The following ATG7 variants were observed in gnomAD, a reference collection of about 807,000 sequenced individuals.
ATG7 encodes the protein ubiquitin-like modifier-activating enzyme ATG7.
A neutral mutation model predicts 82.4 loss-of-function variants in ATG7; 70 were observed. The ratio of observed to expected loss-of-function variants is 0.85; its 90% CI spans 0.70 to 1.04. ATG7 has a LOEUF of 1.04. Among genes scored for constraint, ATG7 ranks in the 50% least tolerant of loss-of-function variants. ATG7 has a pLI of 0.00. For missense variants in ATG7, 792 were observed against 864.3 expected, an observed-to-expected ratio of 0.92 and a Z score of 1.05; for synonymous variants, 287 against 313.0, an observed-to-expected ratio of 0.92 and a Z score of 0.88.
chr3:11,530,544 G>A (rs112304374), intron 20 of ATG7, among the ~76,000 whole-genome samples: 4 of 152,198 alleles, frequency 2.6e-5, no homozygotes, highest in South Asian at 2.1e-4. Context: ...CTTTCCAGTC[G>A]GCACCCATTC....
intron 3 of ATG7, among the ~76,000 whole-genome samples, chr3:11,289,733 CTT>C (rs919226611): frequency 6.6e-6 from 1 of 152,076 alleles, no homozygotes; most frequent in Non-Finnish European, 1.5e-5. Context: ...AATTTTAAAA[CTT>C]TTTTTGTAGA....
downstream of ATG7, chr3:11,559,269 A>T (rs2072743751): frequency 1.0e-5 from 15 of 1,469,482 alleles, 1 homozygote; most frequent in South Asian, 2.0e-4. Context: ...CAACAGCATG[A>T]CAGAGAAGGG....
At chr3:11,423,052 C>T (rs2082072121) in intron 19 of ATG7, among the ~76,000 whole-genome samples, 1 of 152,164 alleles carries the variant, frequency 6.6e-6, no homozygotes, top group African/African-American at 2.4e-5. Flanking sequence ...AGCCACCGGG[C>T]TTGGCCTATT....
At chr3:11,525,876 A>G (rs916865908) in intron 20 of ATG7, among the ~76,000 whole-genome samples, 3 of 152,060 alleles carry the variant, frequency 2.0e-5, no homozygotes, top group Non-Finnish European at 1.5e-5. Context: ...TTTTAAATCA[A>G]AAGACCACTA....
intron 20 of ATG7, among the ~76,000 whole-genome samples, chr3:11,447,335 C>T (rs1473882790): frequency 6.6e-6 from 1 of 151,994 alleles, no homozygotes; most frequent in Non-Finnish European, 1.5e-5. Context: ...GGTGTGGTGG[C>T]AGGCATCTGT....
chr3:11,484,277 C>G (rs868563586), intron 20 of ATG7, among the ~76,000 whole-genome samples: 1 of 152,036 alleles, frequency 6.6e-6, no homozygotes, highest in African/African-American at 2.4e-5. Context: ...ACCTGTAATC[C>G]CAGCTCCTCA....
intron 20 of ATG7, among the ~76,000 whole-genome samples, chr3:11,432,812 C>G (rs2152954428): frequency 6.6e-6 from 1 of 152,258 alleles, no homozygotes. Flanking sequence ...GCATAAAGCT[C>G]TGACCTTTAC....
At chr3:11,525,370 G>A (rs1015991261) in intron 20 of ATG7, among the ~76,000 whole-genome samples, 13 of 150,028 alleles carry the variant, frequency 8.7e-5, no homozygotes, top group African/African-American at 3.0e-4. Flanking sequence ...ACTATTCCTT[G>A]AAAAGAGGAA....
At chr3:11,509,444 T>C (rs1335225961) in intron 20 of ATG7, among the ~76,000 whole-genome samples, 10 of 151,512 alleles carry the variant, frequency 6.6e-5, no homozygotes, top group Admixed American at 6.6e-4. Flanking sequence ...GGCCAGCCAC[T>C]TGTGTCTTAT....
At chr3:11,428,179 A>G (rs1483254744) in intron 20 of ATG7, among the ~76,000 whole-genome samples, 1 of 152,186 alleles carries the variant, frequency 6.6e-6, no homozygotes, top group Non-Finnish European at 1.5e-5. Flanking sequence ...TTGTCAAATG[A>G]TTGCATGGGT....
At chr3:11,518,558 GAAAA>G (rs940781539) in intron 20 of ATG7, among the ~76,000 whole-genome samples, 2 of 144,884 alleles carry the variant, frequency 1.4e-5, no homozygotes, top group East Asian at 2.0e-4. Flanking sequence ...AAAAAAAAAA[GAAAA>G]AAAAAACCTG....
At chr3:11,466,574 C>A (rs2086848702) in intron 20 of ATG7, among the ~76,000 whole-genome samples, 2 of 152,190 alleles carry the variant, frequency 1.3e-5, no homozygotes, top group South Asian at 4.1e-4. Flanking sequence ...GGCACGAGGC[C>A]TAGACTACAG....
At chr3:11,435,837 T>G (rs2083316405) in intron 20 of ATG7, among the ~76,000 whole-genome samples, 1 of 152,178 alleles carries the variant, frequency 6.6e-6, no homozygotes, top group Non-Finnish European at 1.5e-5. Flanking sequence ...AATTTTAAAT[T>G]TTGTGCTTCA....
intron 18 of ATG7, among the ~76,000 whole-genome samples, chr3:11,367,190 T>G (rs1468289000): frequency 6.6e-6 from 1 of 152,120 alleles, no homozygotes; most frequent in Non-Finnish European, 1.5e-5. Flanking sequence ...ATGTTTTGAT[T>G]AGGGGACCAT....
intron 19 of ATG7, among the ~76,000 whole-genome samples, chr3:11,389,213 A>T (rs182313950): frequency 1.0e-3 from 149 of 145,966 alleles, no homozygotes; most frequent in African/African-American, 3.5e-3. Flanking sequence ...AGCCTGGGGA[A>T]CAGAGAGAGA....
At chr3:11,489,414 T>G (rs1334655623) in intron 20 of ATG7, among the ~76,000 whole-genome samples, 3 of 152,018 alleles carry the variant, frequency 2.0e-5, no homozygotes, top group Non-Finnish European at 4.4e-5. Context: ...ATTTTATTGA[T>G]CCTTTCAAAA....
At chr3:11,383,348 C>T (rs980139569) in intron 19 of ATG7, among the ~76,000 whole-genome samples, 6 of 152,202 alleles carry the variant, frequency 3.9e-5, no homozygotes, top group South Asian at 4.1e-4. Flanking sequence ...TGATGTTTCC[C>T]TATGATTCGA....
At chr3:11,493,578 C>A (rs777569069) in intron 20 of ATG7, among the ~76,000 whole-genome samples, 3 of 152,162 alleles carry the variant, frequency 2.0e-5, no homozygotes, top group Admixed American at 2.0e-4. Flanking sequence ...GTTTCTCTGC[C>A]TTCTGCCTCC....
the ATG7 span, among the ~76,000 whole-genome samples, chr3:11,574,787 G>GTA: frequency 2.1e-4 from 13 of 61,012 alleles, no homozygotes; most frequent in African/African-American, 7.9e-4. Flanking sequence ...AACTATATAT[G>GTA]TGTGTGTGTG....
Sources: allele counts gnomAD v4.1 joint callset (sites outside exome capture counted in the v4.1 genomes callset), GRCh38; gene constraint gnomAD v4.1.1; transcripts MANE v1.5; gene names NCBI Gene and HGNC (gene_info 2026-07-23, HGNC 2026-07-21).